Variants in GMDS observed in about 807,000 individuals in gnomAD.
The protein encoded by GMDS is GDP-mannose 4,6-dehydratase, also known as GDP-mannose 4,6 dehydratase.
In GMDS, 20 loss-of-function variants were observed where a neutral mutation model predicts 49.9. The observed-to-expected ratio is 0.40, with a 90% CI of 0.28 to 0.58. GMDS has a LOEUF of 0.58. GMDS is among the 20% of genes least tolerant of loss of function. The pLI, the probability that GMDS is intolerant of heterozygous loss-of-function variation, is 0.42. For synonymous variants in GMDS, 177 were observed against 178.6 expected, an observed-to-expected ratio of 0.99 and a Z score of 0.07; for missense variants, 362 against 481.4, an observed-to-expected ratio of 0.75 and a Z score of 2.32.
intron 4 of GMDS, among the ~76,000 whole-genome samples, chr6:2,052,322 G>A (rs926535258): frequency 3.3e-5 from 5 of 151,876 alleles, no homozygotes; most frequent in Non-Finnish European, 7.4e-5. Flanking sequence ...TTCTTTACCG[G>A]TAGTAGTACT....
At chr6:2,046,854 A>C (rs1314266464) in intron 4 of GMDS, among the ~76,000 whole-genome samples, 2 of 152,160 alleles carry the variant, frequency 1.3e-5, no homozygotes, top group Non-Finnish European at 2.9e-5. Flanking sequence ...TCATTTTCTG[A>C]CACATTTTTC....
chr6:2,197,701 A>T (rs75617879), intron 1 of GMDS, among the ~76,000 whole-genome samples: 2 of 152,278 alleles, frequency 1.3e-5, no homozygotes, highest in East Asian at 3.9e-4. Flanking sequence ...CTTTAACAGG[A>T]TAATATGGCT....
At chr6:1,710,577 G>A (rs1339041639) in intron 9 of GMDS, among the ~76,000 whole-genome samples, 2 of 152,166 alleles carry the variant, frequency 1.3e-5, no homozygotes, top group East Asian at 3.9e-4. Flanking sequence ...TGACATGGCA[G>A]ATACACTTTT....
chr6:2,144,028 A>T (rs1776433700), intron 1 of GMDS, among the ~76,000 whole-genome samples: 1 of 152,206 alleles, frequency 6.6e-6, no homozygotes, highest in South Asian at 2.1e-4. Flanking sequence ...GACATATGTA[A>T]AAACAGTAAT....
chr6:1,956,840 C>T (rs1763663977), intron 6 of GMDS, among the ~76,000 whole-genome samples: 2 of 150,000 alleles, frequency 1.3e-5, no homozygotes, highest in African/African-American at 2.5e-5. Context: ...GAGATGGAGT[C>T]TCGCACTGTC....
intron 6 of GMDS, among the ~76,000 whole-genome samples, chr6:1,958,704 T>A (rs937749423): frequency 1.3e-5 from 2 of 152,224 alleles, no homozygotes; most frequent in African/African-American, 4.8e-5. Context: ...ATTAGGCAGC[T>A]ATATAGTCAC....
At chr6:2,093,513 A>T (rs182153844) in intron 4 of GMDS, among the ~76,000 whole-genome samples, 5 of 152,312 alleles carry the variant, frequency 3.3e-5, no homozygotes, top group Admixed American at 3.3e-4. Flanking sequence ...ATAGATAACC[A>T]GGGAGAGGAT....
intron 9 of GMDS, among the ~76,000 whole-genome samples, chr6:1,723,313 A>ATTTTT (rs1192315523): frequency 4.2e-5 from 3 of 71,528 alleles, no homozygotes; most frequent in South Asian, 5.4e-4. Flanking sequence ...TTTTTTTTTC[A>ATTTTT]AATTTTCTTT....
chr6:2,039,235 C>G (rs1479652977), intron 4 of GMDS, among the ~76,000 whole-genome samples: 1 of 152,120 alleles, frequency 6.6e-6, no homozygotes, highest in Non-Finnish European at 1.5e-5. Context: ...TAAGGTACTT[C>G]CCATGAATGG....
intron 4 of GMDS, among the ~76,000 whole-genome samples, chr6:2,047,024 T>TTACTAGAAA (rs1413536537): frequency 2.0e-5 from 3 of 152,186 alleles, no homozygotes; most frequent in East Asian, 3.9e-4. Flanking sequence ...CAGAAGCAGA[T>TTACTAGAAA]TCATACACAC....
chr6:1,820,962 C>A (rs1295919794), intron 7 of GMDS, among the ~76,000 whole-genome samples: 2 of 152,182 alleles, frequency 1.3e-5, no homozygotes, highest in African/African-American at 2.4e-5. Context: ...TTCTCTATGG[C>A]CTCAGAGAAG....
chr6:2,052,075 C>A (rs1210243627), intron 4 of GMDS, among the ~76,000 whole-genome samples: 2 of 142,548 alleles, frequency 1.4e-5, no homozygotes, highest in Non-Finnish European at 3.0e-5. Context: ...CAAGATTGCA[C>A]CACTGCACTC....
intron 4 of GMDS, among the ~76,000 whole-genome samples, chr6:2,067,091 G>C (rs1221411167): frequency 6.6e-6 from 1 of 151,416 alleles, no homozygotes; most frequent in African/African-American, 2.4e-5. Flanking sequence ...AATCAAATTA[G>C]AACTCAGGAT....
At chr6:1,734,233 C>T (rs1323703506) in intron 8 of GMDS, among the ~76,000 whole-genome samples, 3 of 152,188 alleles carry the variant, frequency 2.0e-5, no homozygotes, top group Non-Finnish European at 4.4e-5. Flanking sequence ...TGGCAGTACT[C>T]AGCCCAGGTG....
chr6:1,970,603 G>C (rs937863741), intron 4 of GMDS, among the ~76,000 whole-genome samples: 1 of 152,182 alleles, frequency 6.6e-6, no homozygotes, highest in Non-Finnish European at 1.5e-5. Context: ...GTAGCCTGTA[G>C]CCTGCCTTAT....
chr6:2,050,465 A>G (rs991153915), intron 4 of GMDS, among the ~76,000 whole-genome samples: 5 of 152,242 alleles, frequency 3.3e-5, no homozygotes, highest in Non-Finnish European at 7.3e-5. Context: ...AGGAGCTGGT[A>G]CCATTCCTTC....
At chr6:1,848,026 A>T (rs1757491215) in intron 7 of GMDS, among the ~76,000 whole-genome samples, 1 of 152,202 alleles carries the variant, frequency 6.6e-6, no homozygotes, top group South Asian at 2.1e-4. Flanking sequence ...CAAGGAAGTG[A>T]CATCGAAATG....
At chr6:2,198,255 T>C (rs1779359672) in intron 1 of GMDS, among the ~76,000 whole-genome samples, 1 of 152,198 alleles carries the variant, frequency 6.6e-6, no homozygotes, top group Non-Finnish European at 1.5e-5. Context: ...CACAGATGCA[T>C]ATGCCTGTAC....
At chr6:1,633,438 T>C (rs1347754366) in intron 9 of GMDS, among the ~76,000 whole-genome samples, 1 of 152,192 alleles carries the variant, frequency 6.6e-6, no homozygotes, top group Non-Finnish European at 1.5e-5. Flanking sequence ...GTGGCTGTCA[T>C]GAAGCCCATG....
Sources: allele counts gnomAD v4.1 joint callset (sites outside exome capture counted in the v4.1 genomes callset), GRCh38; gene constraint gnomAD v4.1.1; transcripts MANE v1.5; gene names NCBI Gene and HGNC (gene_info 2026-07-23, HGNC 2026-07-21).